GABRA3: variants seen among roughly 807,000 people sequenced by gnomAD.
The protein encoded by GABRA3 is gamma-aminobutyric acid receptor subunit alpha-3.
A neutral mutation model predicts 30.1 loss-of-function variants in GABRA3; 10 were observed. The observed-to-expected ratio is 0.33, with a 90% confidence interval of 0.20 to 0.56. The LOEUF (loss-of-function observed/expected upper bound fraction) is 0.56, where lower values mean the gene tolerates loss of function less well. GABRA3 is among the 20% of genes least tolerant of loss of function. The probability of loss-of-function intolerance (pLI) is 0.89; values close to 1 mark genes in which losing one functional copy is unlikely to be tolerated. For synonymous variants in GABRA3, 151 were observed against 146.8 expected (o/e 1.03, Z -0.21); for missense variants, 233 against 392.0 (o/e 0.59, Z 3.42).
intron 8 of GABRA3, among the ~76,000 whole-genome samples, chrX:152,194,571 T>C (rs901005630): frequency 3.6e-5 from 4 of 111,524 alleles, no homozygotes; most frequent in African/African-American, 1.3e-4. Context: ...TGTTATTATG[T>C]TTTTGTGAAC....
intron 2 of GABRA3, among the ~76,000 whole-genome samples, chrX:152,348,329 G>C (rs1940422707): frequency 9.0e-6 from 1 of 111,509 alleles, no homozygotes; most frequent in African/African-American, 3.3e-5. Context: ...ACACCAAAGA[G>C]AGAAATGAAT....
At chrX:152,405,374 G>A (rs762514680) in intron 1 of GABRA3, among the ~76,000 whole-genome samples, 5 of 109,500 alleles carry the variant, frequency 4.6e-5, no homozygotes, top group Non-Finnish European at 9.5e-5. Flanking sequence ...AAGTGGCCTG[G>A]GGCCCCAAAT....
intron 2 of GABRA3, among the ~76,000 whole-genome samples, chrX:152,357,121 C>T (rs1246381164): frequency 9.0e-6 from 1 of 111,455 alleles, no homozygotes; most frequent in African/African-American, 3.3e-5. Context: ...AATGGGATGC[C>T]TGGGTCAAAT....
At chrX:152,355,540 C>T (rs1940537301) in intron 2 of GABRA3, among the ~76,000 whole-genome samples, 2 of 111,494 alleles carry the variant, frequency 1.8e-5, no homozygotes, top group Non-Finnish European at 3.8e-5. Flanking sequence ...GTGTGCTGTT[C>T]ACCTTAGGTT....
chrX:152,394,866 AAAG>A (rs758038119), intron 1 of GABRA3, among the ~76,000 whole-genome samples: 2 of 111,662 alleles, frequency 1.8e-5, no homozygotes, highest in East Asian at 2.8e-4. Context: ...ATTTTGTCAA[AAAG>A]AAGATCAAAA....
At chrX:152,363,630 G>A (rs1476365868) in intron 2 of GABRA3, among the ~76,000 whole-genome samples, 2 of 111,402 alleles carry the variant, frequency 1.8e-5, no homozygotes, top group African/African-American at 6.5e-5. Flanking sequence ...TTCCTTACAG[G>A]TTTCTGTTGA....
intron 3 of GABRA3, among the ~76,000 whole-genome samples, chrX:152,288,438 G>GA (rs1939336350): frequency 8.9e-6 from 1 of 112,551 alleles, no homozygotes; most frequent in Non-Finnish European, 1.9e-5. Flanking sequence ...ATTGCTCTGA[G>GA]AATTTAAGGA....
At chrX:152,218,800 G>A (rs776457829) in intron 6 of GABRA3, among the ~76,000 whole-genome samples, 3 of 111,266 alleles carry the variant, frequency 2.7e-5, no homozygotes, top group South Asian at 3.7e-4. Flanking sequence ...CTTGAATAAC[G>A]CTCTTCAGAG....
intron 3 of GABRA3, among the ~76,000 whole-genome samples, chrX:152,339,516 G>T (rs970254064): frequency 3.6e-5 from 4 of 111,597 alleles, no homozygotes; most frequent in African/African-American, 9.8e-5. Context: ...ACTGCCCCCA[G>T]CCTATGTTGT....
chrX:152,357,320 G>A lies in GABRA3; in HGVS notation c.140+7111C>T, dbSNP rs184478031. 2.1e-4 allele frequency among the ~76,000 whole-genome samples: 23 copies of A among 111,369 alleles called. No homozygotes were observed. In the East Asian group the frequency reaches 2.3e-3, roughly 11 times the overall value. On this transcript the variant is annotated intron_variant, in intron 2 of 9. Coordinates refer to ENST00000370314, the MANE Select transcript of GABRA3 (RefSeq NM_000808.4). ...TTTGACTTTTTAATAATAGCCATTC[G>A]GACTGATATGAGATGGTATCTCATT...
intron 1 of GABRA3, among the ~76,000 whole-genome samples, chrX:152,386,538 A>G (rs1033384281): frequency 2.3e-4 from 25 of 110,162 alleles, no homozygotes; most frequent in African/African-American, 8.3e-4. Context: ...CAAAAAACAC[A>G]TGAAAAAATG....
chrX:152,197,594 G>C (rs200261827), intron 8 of GABRA3, 39 bp downstream of exon 8: 48 of 1,147,312 alleles, frequency 4.2e-5, no homozygotes, highest in Non-Finnish European at 5.3e-5. Flanking sequence ...GACTCTGCAT[G>C]ATAAGACTTT....
At chrX:152,411,940 G>A (rs760115605) in intron 1 of GABRA3, among the ~76,000 whole-genome samples, 39 of 110,864 alleles carry the variant, frequency 3.5e-4, no homozygotes, top group African/African-American at 1.1e-3. Context: ...ATTATATCTC[G>A]ATAAAGCTGT....
chrX:152,309,397 G>A (rs5970267), intron 3 of GABRA3, among the ~76,000 whole-genome samples: 23,235 of 109,947 alleles, frequency 0.21, 2,263 homozygotes, highest in African/African-American at 0.38. Flanking sequence ...AGAAGCTAGA[G>A]AGAAGGGGCA....
chrX:152,293,919 G>A (rs780852406), intron 3 of GABRA3, among the ~76,000 whole-genome samples: 1 of 111,760 alleles, frequency 8.9e-6, no homozygotes, highest in South Asian at 3.7e-4. Flanking sequence ...ATTCTGGGTT[G>A]AAAATTCTTT....
At chrX:152,178,621 T>C (rs1393959205) in intron 9 of GABRA3, among the ~76,000 whole-genome samples, 1 of 112,454 alleles carries the variant, frequency 8.9e-6, no homozygotes, top group African/African-American at 3.2e-5. Context: ...CAAGAAGTTA[T>C]ACAAATTTTA....
At chrX:152,304,670 C>T (rs1485642716) in intron 3 of GABRA3, among the ~76,000 whole-genome samples, 1 of 111,904 alleles carries the variant, frequency 8.9e-6, no homozygotes, top group African/African-American at 3.2e-5. Flanking sequence ...GTTTTTGTAC[C>T]AGTACCATGC....
At chrX:152,435,411 G>C (rs12843408) in intron 1 of GABRA3, among the ~76,000 whole-genome samples, 49,737 of 110,300 alleles carry the variant, frequency 0.45, 9,462 homozygotes, top group Non-Finnish European at 0.61. Flanking sequence ...AATACTATGC[G>C]GCCATAACAA....
At chrX:152,266,055 T>C (rs974759542) in intron 4 of GABRA3, among the ~76,000 whole-genome samples, 17 of 111,302 alleles carry the variant, frequency 1.5e-4, no homozygotes, top group Non-Finnish European at 3.0e-4. Context: ...CTACCAAACA[T>C]TTAAAGAAGA....
Sources: allele counts gnomAD v4.1 joint callset (sites outside exome capture counted in the v4.1 genomes callset), GRCh38; gene constraint gnomAD v4.1.1; transcripts MANE v1.5; gene names NCBI Gene and HGNC (gene_info 2026-07-23, HGNC 2026-07-21).